Variants in PTPRD observed in about 807,000 individuals in gnomAD.
PTPRD encodes the protein protein tyrosine phosphatase receptor type D.
In PTPRD, 34 loss-of-function variants were observed where a neutral mutation model predicts 214.5. The ratio of observed to expected loss-of-function variants is 0.16; its 90% CI spans 0.12 to 0.21. PTPRD has a LOEUF of 0.21. PTPRD is among the 10% of genes least tolerant of loss of function. PTPRD has a pLI of 1.00. For synonymous variants in PTPRD, 1,128 were observed against 845.7 expected (o/e 1.33, Z -5.79); for missense variants, 2,545 against 2,398.7 (o/e 1.06, Z -1.27).
intron 7 of PTPRD, among the ~76,000 whole-genome samples, chr9:9,676,102 A>G (rs2096923389): frequency 6.6e-6 from 1 of 152,036 alleles, no homozygotes; most frequent in South Asian, 2.1e-4. Context: ...ATTTTGTGTA[A>G]TCCAGTTTTT....
At chr9:9,822,523 T>C (rs1434937957) in intron 5 of PTPRD, among the ~76,000 whole-genome samples, 1 of 148,354 alleles carries the variant, frequency 6.7e-6, no homozygotes, top group Non-Finnish European at 1.5e-5. Flanking sequence ...ATACATAATA[T>C]ATTATATATA....
chr9:10,251,496 C>A (rs2092764847), intron 3 of PTPRD, among the ~76,000 whole-genome samples: 1 of 151,634 alleles, frequency 6.6e-6, no homozygotes, highest in Non-Finnish European at 1.5e-5. Flanking sequence ...TGATTTACAA[C>A]AAGTTGCTTA....
At chr9:10,001,922 A>G (rs2096328880) in intron 4 of PTPRD, among the ~76,000 whole-genome samples, 1 of 152,038 alleles carries the variant, frequency 6.6e-6, no homozygotes, top group South Asian at 2.1e-4. Flanking sequence ...TTTTTGTTTA[A>G]AACGCTTTTA....
At chr9:10,024,123 A>C (rs1440298633) in intron 4 of PTPRD, among the ~76,000 whole-genome samples, 1 of 152,140 alleles carries the variant, frequency 6.6e-6, no homozygotes, top group East Asian at 1.9e-4. Context: ...GTGTCATAAG[A>C]TGTATTTTTA....
At chr9:10,490,797 C>T (rs117556215) in intron 2 of PTPRD, among the ~76,000 whole-genome samples, 1,823 of 152,202 alleles carry the variant, frequency 0.012, 22 homozygotes, top group Middle Eastern at 0.051. Context: ...GCTTGATCCT[C>T]CAGGGAACAT....
In PTPRD at chr9:10,283,746, T is replaced by C. The variant is rs1009763368; in HGVS notation, c.-545+57217A>G. On this transcript the variant is annotated intron_variant, in intron 3 of 45. Coordinates refer to ENST00000381196, the MANE Select transcript of PTPRD (RefSeq NM_002839.4). ...GATAAAAACTTTCATCTGATTGACC[T>C]AATATCTTTAGGTTTGTGTATTTTC... Among the ~76,000 whole-genome samples the C allele has an allele frequency of 3.9e-4, 60 of 152,204 alleles. 1 individual carries two copies. The highest frequency in any genetic ancestry group is 3.4e-3 in the Admixed American group (52 of 15,276).
intron 3 of PTPRD, among the ~76,000 whole-genome samples, chr9:10,100,286 A>C (rs866087733): frequency 3.3e-5 from 5 of 151,846 alleles, no homozygotes; most frequent in Admixed American, 6.6e-5. Context: ...AGTTAGAACA[A>C]TATGAAGTCT....
intron 7 of PTPRD, among the ~76,000 whole-genome samples, chr9:9,627,202 G>C (rs1204415383): frequency 1.3e-5 from 2 of 152,154 alleles, no homozygotes. Context: ...AGCTACTTGG[G>C]AGGCTGAAGC....
At chr9:10,462,674 T>C (rs1271001630) in intron 2 of PTPRD, among the ~76,000 whole-genome samples, 2 of 151,196 alleles carry the variant, frequency 1.3e-5, no homozygotes, top group African/African-American at 4.9e-5. Flanking sequence ...AGTGAGCTAG[T>C]ATTGGAAGTG....
intron 12 of PTPRD, 103 bp downstream of exon 12, chr9:8,733,677 A>C: frequency 8.2e-7 from 1 of 1,213,486 alleles, no homozygotes; most frequent in Non-Finnish European, 1.2e-6. Context: ...CTCAGGATTT[A>C]CTTCCAAAGG....
intron 7 of PTPRD, among the ~76,000 whole-genome samples, chr9:9,646,304 TGTGTGTGTGTGTGG>T (rs1279991849): frequency 2.1e-5 from 3 of 141,554 alleles, no homozygotes; most frequent in Admixed American, 6.9e-5. Context: ...TTGGGAGGGG[TGTGTGTGTGTGTGG>T]GTGTGTGTGT....
chr9:9,987,956 C>T (rs2095780604), intron 4 of PTPRD, among the ~76,000 whole-genome samples: 1 of 152,118 alleles, frequency 6.6e-6, no homozygotes, highest in Non-Finnish European at 1.5e-5. Context: ...ATTAAGCTGA[C>T]ATATTTGCCG....
At chr9:8,573,525 A>G (rs1208368592) in intron 14 of PTPRD, among the ~76,000 whole-genome samples, 2 of 151,930 alleles carry the variant, frequency 1.3e-5, no homozygotes, top group African/African-American at 4.8e-5. Context: ...AGCCAGATAA[A>G]TCTTGTTAAT....
chr9:9,559,415 C>G (rs1470998009), intron 8 of PTPRD, among the ~76,000 whole-genome samples: 1 of 152,250 alleles, frequency 6.6e-6, no homozygotes, highest in Non-Finnish European at 1.5e-5. Flanking sequence ...GCACTTCCAA[C>G]TGCTCCAGCA....
chr9:10,135,391 A>G (rs761767604), intron 3 of PTPRD, among the ~76,000 whole-genome samples: 4 of 152,078 alleles, frequency 2.6e-5, no homozygotes, highest in Non-Finnish European at 1.5e-5. Context: ...CCCATGAGAC[A>G]CTATATAAGA....
At chr9:10,361,672 G>A (rs1248249377) in intron 2 of PTPRD, among the ~76,000 whole-genome samples, 1 of 152,096 alleles carries the variant, frequency 6.6e-6, no homozygotes, top group East Asian at 1.9e-4. Context: ...TCTCTATTAG[G>A]AACACTTACT....
At chr9:10,230,428 G>GTATCTATC (rs1554901256) in intron 3 of PTPRD, among the ~76,000 whole-genome samples, 98 of 128,348 alleles carry the variant, frequency 7.6e-4, no homozygotes, top group African/African-American at 2.3e-3. Flanking sequence ...ATGTATCTAT[G>GTATCTATC]TATCTATGTA....
At chr9:10,503,291 C>T (rs1166254444) in intron 2 of PTPRD, among the ~76,000 whole-genome samples, 1 of 149,014 alleles carries the variant, frequency 6.7e-6, no homozygotes, top group Non-Finnish European at 1.5e-5. Flanking sequence ...TTGTCGTGAT[C>T]ATCAATATTA....
chr9:9,526,277 G>C (rs1590752146), intron 8 of PTPRD, among the ~76,000 whole-genome samples: 1 of 152,134 alleles, frequency 6.6e-6, no homozygotes, highest in African/African-American at 2.4e-5. Context: ...ACTATTAATG[G>C]TGCTTTTATG....
Sources: gnomAD v4.1 joint callset for allele counts (sites outside exome capture counted in the v4.1 genomes callset) on GRCh38, gnomAD v4.1.1 for gene constraint, MANE v1.5 for transcripts, NCBI Gene and HGNC (gene_info 2026-07-23, HGNC 2026-07-21) for gene names.